The following CDC27 variants were observed in gnomAD, a reference collection of about 807,000 sequenced individuals.
CDC27 encodes cell division cycle 27.
Under a neutral mutation model 109.7 loss-of-function variants are expected in CDC27, and 27 were observed. The observed-to-expected ratio is 0.25, with a 90% confidence interval of 0.18 to 0.34. CDC27 has a LOEUF of 0.34. CDC27 is among the 10% of genes least tolerant of loss of function. The pLI is 1.00. For missense variants in CDC27, 579 were observed against 960.2 expected (o/e 0.60, Z 5.25); for synonymous variants, 266 against 333.9 (o/e 0.80, Z 2.22).
intron 7 of CDC27, chr17:47,156,632 G>A (rs956393527): frequency 5.5e-5 from 11 of 201,660 alleles, no homozygotes; most frequent in African/African-American, 2.3e-4. Flanking sequence ...ATTTTTAGTA[G>A]AGACAGGGTT....
chr17:47,188,229 G>T (rs893570313), intron 1 of CDC27, among the ~76,000 whole-genome samples: 4 of 152,126 alleles, frequency 2.6e-5, no homozygotes, highest in African/African-American at 9.7e-5. Context: ...TCAAGTTAAA[G>T]ATCATATAGT....
At chr17:47,127,358 A>G (rs2062174601) in intron 16 of CDC27, among the ~76,000 whole-genome samples, 1 of 152,200 alleles carries the variant, frequency 6.6e-6, no homozygotes. Context: ...AGGAATTACT[A>G]GATAAATTAT....
intron 13 of CDC27, among the ~76,000 whole-genome samples, chr17:47,137,804 TC>T (rs1238042812): frequency 8.6e-6 from 1 of 116,620 alleles, no homozygotes; most frequent in African/African-American, 3.0e-5. Context: ...TCATTCTCTC[TC>T]TTTTTTTTTT....
intron 14 of CDC27, among the ~76,000 whole-genome samples, chr17:47,136,701 T>C (rs2062608305): frequency 6.6e-6 from 1 of 152,232 alleles, no homozygotes; most frequent in African/African-American, 2.4e-5. Context: ...TTCTTAATAG[T>C]AACTCAATAA....
chr17:47,121,076 C>A, intron 18 of CDC27, 59 bp from the exon 19 acceptor site: 2 of 1,122,276 alleles, frequency 1.8e-6, no homozygotes, highest in South Asian at 1.3e-5. Flanking sequence ...CCTGTTGGTT[C>A]ATGAAAACAA....
At chr17:47,159,950 C>A in intron 4 of CDC27, 1 of 336,856 alleles carries the variant, frequency 3.0e-6, no homozygotes, top group South Asian at 2.4e-5. Flanking sequence ...GTCCCGGCCC[C>A]ATCCACGGCT....
chr17:47,137,418 A>G, intron 13 of CDC27, 58 bp from the exon 14 acceptor site: 1 of 1,029,422 alleles, frequency 9.7e-7, no homozygotes, highest in Non-Finnish European at 1.3e-6. Context: ...TTCTAAAACC[A>G]AATCTATGAC....
At chr17:47,140,718 T>C (rs1412230482) in intron 12 of CDC27, among the ~76,000 whole-genome samples, 1 of 152,238 alleles carries the variant, frequency 6.6e-6, no homozygotes, top group Admixed American at 6.5e-5. Context: ...CTCTTGCCTG[T>C]CTGTGTATAT....
intron 9 of CDC27, among the ~76,000 whole-genome samples, chr17:47,149,077 C>CAAA (rs71138591): frequency 3.0e-5 from 2 of 66,864 alleles, no homozygotes; most frequent in South Asian, 4.8e-4. Context: ...GACTCTGTCT[C>CAAA]AAAAAAAAAA....
At chr17:47,133,060 TATACAC>T (rs1349032887) in intron 14 of CDC27, among the ~76,000 whole-genome samples, 1 of 46,790 alleles carries the variant, frequency 2.1e-5, no homozygotes, top group Non-Finnish European at 3.9e-5. Flanking sequence ...CACACATACA[TATACAC>T]ACACACACAC....
chr17:47,149,671 T>G (rs1383786669), intron 9 of CDC27, among the ~76,000 whole-genome samples: 1 of 151,906 alleles, frequency 6.6e-6, no homozygotes, highest in Non-Finnish European at 1.5e-5. Flanking sequence ...TAAAAAAATT[T>G]CAGCTGGGCA....
intron 16 of CDC27, among the ~76,000 whole-genome samples, chr17:47,125,959 A>T (rs1015658694): frequency 1.3e-5 from 2 of 152,224 alleles, no homozygotes; most frequent in African/African-American, 4.8e-5. Context: ...ATTGTTATCA[A>T]CATTTCATGC....
rs202120807 is a variant in CDC27 at position 47,168,235 on chromosome 17, G to T, written c.377+1682C>A. Among the ~76,000 whole-genome samples the T allele has an allele frequency of 2.0e-5, 3 of 152,222 alleles. No individual in the cohort carries two copies. In the East Asian group the frequency reaches 5.8e-4, roughly 29 times the overall value. On this transcript the variant is annotated intron_variant, in intron 4 of 18. Coordinates refer to ENST00000066544, the MANE Select transcript of CDC27 (RefSeq NM_001256.6). ...TTCAGCTCCTCTCACCTCCTGGGAG[G>T]TTGCGGGGTGGGGATGAAAAGTCCC... is the stretch of plus-strand genomic sequence containing the variant.
At chr17:47,145,864 T>C (rs747852462) in intron 9 of CDC27, among the ~76,000 whole-genome samples, 15 of 151,564 alleles carry the variant, frequency 9.9e-5, no homozygotes, top group Non-Finnish European at 1.5e-4. Flanking sequence ...GCCATTGCAT[T>C]GCAGCCTGGG....
intron 14 of CDC27, among the ~76,000 whole-genome samples, chr17:47,133,795 T>C (rs549678992): frequency 1.3e-5 from 2 of 151,552 alleles, no homozygotes; most frequent in South Asian, 4.2e-4. Flanking sequence ...GTCACCCAGG[T>C]TGGAGTGCAG....
chr17:47,123,857 C>A, intron 17 of CDC27, 29 bp downstream of exon 17: 1 of 1,459,694 alleles, frequency 6.9e-7, no homozygotes, highest in Non-Finnish European at 9.3e-7. Flanking sequence ...ATGAAAGTCA[C>A]TGTTTGGGAC....
chr17:47,173,955 G>A (rs1196562050), intron 2 of CDC27, among the ~76,000 whole-genome samples: 7 of 152,312 alleles, frequency 4.6e-5, no homozygotes, highest in South Asian at 2.1e-4. Flanking sequence ...TTAGCCAGGC[G>A]CGGTGGCGCA....
intron 4 of CDC27, among the ~76,000 whole-genome samples, chr17:47,168,247 G>C (rs949691009): frequency 8.5e-5 from 13 of 152,092 alleles, no homozygotes; most frequent in African/African-American, 3.1e-4. Context: ...TGCGGGGTGG[G>C]GATGAAAAGT....
chr17:47,154,047 C>T lies in CDC27; in HGVS notation c.957+625G>A, dbSNP rs541853068. On this transcript the variant is annotated intron_variant, in intron 8 of 18. Coordinates refer to ENST00000066544, the MANE Select transcript of CDC27 (RefSeq NM_001256.6). ...GAGGCTACAGTGAGTCATGGTCACA[C>T]CACTGCACTCCAGCCTGGGCAGGAG... Among the ~76,000 whole-genome samples the T allele has an allele frequency of 2.8e-4, 43 of 150,890 alleles. No individual in the cohort carries two copies. In the South Asian group the frequency reaches 8.6e-3, roughly 30 times the overall value.
Sources: allele counts gnomAD v4.1 joint callset (sites outside exome capture counted in the v4.1 genomes callset), GRCh38; gene constraint gnomAD v4.1.1; transcripts MANE v1.5; gene names NCBI Gene and HGNC (gene_info 2026-07-23, HGNC 2026-07-21).